Variants in EYS observed in about 807,000 individuals in gnomAD.
EYS encodes EGF-like photoreceptor maintenance factor, also known as protein eyes shut homolog.
EYS carries 250 observed loss-of-function variants against 282.1 expected under a neutral mutation model. The ratio of observed to expected loss-of-function variants is 0.89; its 90% CI spans 0.80 to 0.98. The LOEUF is 0.98. EYS is among the 50% of genes least tolerant of loss of function. The pLI, the probability that EYS is intolerant of heterozygous loss-of-function variation, is 0.00. For missense variants in EYS, 4,016 were observed against 3,709.0 expected (o/e 1.08, Z -2.15); for synonymous variants, 1,355 against 1,282.9 (o/e 1.06, Z -1.20).
At chr6:63,728,545 A>T (rs1768700344) in intron 41 of EYS, among the ~76,000 whole-genome samples, 1 of 152,186 alleles carries the variant, frequency 6.6e-6, no homozygotes, top group Non-Finnish European at 1.5e-5. Context: ...ACTAGAGTAC[A>T]TTTGTTAAAT....
At chr6:64,182,686 C>G (rs1764822542) in intron 31 of EYS, among the ~76,000 whole-genome samples, 1 of 152,126 alleles carries the variant, frequency 6.6e-6, no homozygotes, top group Non-Finnish European at 1.5e-5. Flanking sequence ...AGGAAAAAGA[C>G]AAACATCTCA....
chr6:65,689,524 T>TA (rs769975374), intron 1 of EYS, among the ~76,000 whole-genome samples: 2 of 149,310 alleles, frequency 1.3e-5, no homozygotes, highest in South Asian at 2.2e-4. Context: ...TAAAGTATAA[T>TA]AAAAAAAATT....
intron 35 of EYS, among the ~76,000 whole-genome samples, chr6:63,906,911 TA>T (rs1257442062): frequency 6.6e-6 from 1 of 151,458 alleles, no homozygotes. Flanking sequence ...AAAAAAAACC[TA>T]AAAAAAGGAC....
In EYS at chr6:64,970,491, C is replaced by T. The variant is rs565969377; in HGVS notation, c.2260-24577G>A. Among the ~76,000 whole-genome samples, 14 of 152,242 alleles carry T rather than the reference C, an allele frequency of 9.2e-5. 2 individuals carry two copies. The highest frequency in any genetic ancestry group is 3.1e-4 in the African/African-American group (13 of 41,546). The stretch of plus-strand genomic sequence containing the variant: ...AGAATTACAGGCGTGAACCACTGTG[C>T]CTGGCCACTGCAATAATTTTATAAC... On this transcript the variant is annotated intron_variant, in intron 14 of 42. Coordinates refer to ENST00000503581, the MANE Select transcript of EYS (RefSeq NM_001142800.2).
chr6:64,363,946 A>T lies in EYS; in HGVS notation c.6078+24744T>A, dbSNP rs564519772. Among the ~76,000 whole-genome samples the T allele has an allele frequency of 2.0e-5, 3 of 152,070 alleles. No individual in the cohort carries two copies. In the South Asian group the frequency reaches 6.2e-4, roughly 31 times the overall value. On this transcript the variant is annotated intron_variant, in intron 29 of 42. Transcript: ENST00000503581. Reference sequence around the variant, plus strand: ...TATATTTATACATTCTTTCCTCTCCATAAACCCCACATTTTTAATAGCTGG... The same window carrying T: ...TATATTTATACATTCTTTCCTCTCCTTAAACCCCACATTTTTAATAGCTGG...
At chr6:65,606,225 G>T (rs1411141040) in intron 2 of EYS, among the ~76,000 whole-genome samples, 1 of 151,682 alleles carries the variant, frequency 6.6e-6, no homozygotes, top group Non-Finnish European at 1.5e-5. Flanking sequence ...TTAAAAATAT[G>T]TTTAACCACT....
intron 2 of EYS, among the ~76,000 whole-genome samples, chr6:65,624,532 G>A (rs1766630161): frequency 6.6e-6 from 1 of 152,120 alleles, no homozygotes; most frequent in Non-Finnish European, 1.5e-5. Context: ...TATTGTTCCT[G>A]GGTGTGTTTG....
intron 15 of EYS, among the ~76,000 whole-genome samples, chr6:64,926,683 G>A (rs553953084): frequency 2.6e-4 from 39 of 152,058 alleles, no homozygotes; most frequent in Middle Eastern, 3.4e-3. Flanking sequence ...TTGATCTCCC[G>A]TGTTCCTTTT....
chr6:65,300,810 C>T (rs1171693856), intron 11 of EYS: 5 of 152,196 alleles, frequency 3.3e-5, no homozygotes, highest in African/African-American at 7.2e-5. Flanking sequence ...TGACCACCCA[C>T]ATTTTTAGAG....
At chr6:65,371,376 C>T (rs886135710) in intron 8 of EYS, among the ~76,000 whole-genome samples, 5 of 151,480 alleles carry the variant, frequency 3.3e-5, no homozygotes, top group African/African-American at 2.4e-5. Flanking sequence ...CAACACTCCA[C>T]GGATACCTAG....
intron 26 of EYS, among the ~76,000 whole-genome samples, chr6:64,535,915 T>C (rs985864023): frequency 1.3e-5 from 2 of 152,134 alleles, no homozygotes; most frequent in Non-Finnish European, 2.9e-5. Flanking sequence ...TAAAATATCA[T>C]CTTAACCTTA....
intron 12 of EYS, among the ~76,000 whole-genome samples, chr6:65,058,601 C>T (rs965470171): frequency 4.0e-5 from 6 of 150,656 alleles, no homozygotes; most frequent in Non-Finnish European, 5.9e-5. Flanking sequence ...AGTAATTTTA[C>T]AACGTAAGCC....
chr6:64,253,295 T>G (rs936929045), intron 30 of EYS, among the ~76,000 whole-genome samples: 27 of 152,150 alleles, frequency 1.8e-4, no homozygotes, highest in Non-Finnish European at 3.1e-4. Context: ...AAGCCTTTAA[T>G]TGCACACATC....
chr6:65,467,912 C>A (rs1476990213), intron 5 of EYS, among the ~76,000 whole-genome samples: 1 of 151,714 alleles, frequency 6.6e-6, no homozygotes, highest in Non-Finnish European at 1.5e-5. Flanking sequence ...AGAGATATAC[C>A]TAAAATGTCT....
At chr6:64,073,513 T>G (rs2149861456) in intron 32 of EYS, among the ~76,000 whole-genome samples, 1 of 151,850 alleles carries the variant, frequency 6.6e-6, no homozygotes, top group East Asian at 1.9e-4. Flanking sequence ...AAGACAATTT[T>G]CAAACACAAT....
rs1179166468 is a variant in EYS, at chr6:63,944,783, A to T, written c.7055+39600T>A. ...TCTACTAAAAAAATAAAAATAAAAA[A>T]AATAGCCAGGCATGGTGGCACACAC... On this transcript the variant is annotated intron_variant, in intron 35 of 42. Coordinates refer to ENST00000503581, the MANE Select transcript of EYS (RefSeq NM_001142800.2). Among the ~76,000 whole-genome samples the T allele has an allele frequency of 3.9e-5, 6 of 152,100 alleles. No individual in the cohort carries two copies. The East Asian group carries it at 9.7e-4, about 25-fold the overall frequency.
chr6:64,017,971 G>A (rs907341747), intron 33 of EYS, among the ~76,000 whole-genome samples: 9 of 152,094 alleles, frequency 5.9e-5, no homozygotes, highest in African/African-American at 2.2e-4. Flanking sequence ...TTTTGTATAA[G>A]AAATAATATG....
At chr6:64,148,146 C>A (rs1774582419) in intron 31 of EYS, among the ~76,000 whole-genome samples, 1 of 152,074 alleles carries the variant, frequency 6.6e-6, no homozygotes, top group Non-Finnish European at 1.5e-5. Flanking sequence ...AGAATATACT[C>A]AAATGAAAAT....
chr6:64,845,455 T>C (rs1765689833), intron 19 of EYS, among the ~76,000 whole-genome samples: 1 of 152,292 alleles, frequency 6.6e-6, no homozygotes, highest in South Asian at 2.1e-4. Flanking sequence ...TGGTGAATCC[T>C]ATCATTGATA....
Sources: gnomAD v4.1 joint callset for allele counts (sites outside exome capture counted in the v4.1 genomes callset) on GRCh38, gnomAD v4.1.1 for gene constraint, MANE v1.5 for transcripts, NCBI Gene and HGNC (gene_info 2026-07-23, HGNC 2026-07-21) for gene names.